Variants in LRBA observed in about 807,000 individuals in gnomAD.
LRBA encodes lipopolysaccharide-responsive and beige-like anchor protein.
LRBA carries 176 observed loss-of-function variants against 330.0 expected under a neutral mutation model. That is an observed-to-expected ratio of 0.53 (90% confidence interval 0.47 to 0.60). LRBA has a LOEUF of 0.60. LRBA is among the 20% of genes least tolerant of loss of function. The pLI is 0.00. For missense variants in LRBA, 3,259 were observed against 3,444.8 expected (o/e 0.95, Z 1.35); for synonymous variants, 1,230 against 1,193.0 (o/e 1.03, Z -0.64).
intron 17 of LRBA, among the ~76,000 whole-genome samples, chr4:150,882,888 CTAATGTT>C (rs1241625268): frequency 1.3e-5 from 2 of 152,122 alleles, no homozygotes; most frequent in Non-Finnish European, 2.9e-5. Context: ...AATATCAGAG[CTAATGTT>C]TAAATGATTT....
At chr4:150,449,337 T>C (rs1412865760) in intron 44 of LRBA, among the ~76,000 whole-genome samples, 1 of 151,970 alleles carries the variant, frequency 6.6e-6, no homozygotes, top group Non-Finnish European at 1.5e-5. Context: ...GGGAGAAGGA[T>C]AGGAAATTCT....
chr4:150,914,357 A>AG lies in LRBA; in HGVS notation c.1015-17_1015-16insC. The stretch of plus-strand genomic sequence containing the variant: ...TGTCAAAGGTCTGTAAAAGAAAAAA[A>AG]AAAAGGAATTAGGAAAAAACAAAAA... On this transcript the variant is annotated splice_polypyrimidine_tract_variant and intron_variant, in intron 8 of 56. Transcript: ENST00000651943. 1 of 1,480,928 alleles carries AG rather than the reference A, an allele frequency of 6.8e-7. No individual in the cohort carries two copies. 91.7% of individuals were successfully genotyped at this position (1,480,928 alleles called of 1,614,324 possible).
chr4:150,725,282 T>G (rs1729520414), intron 36 of LRBA, among the ~76,000 whole-genome samples: 1 of 151,980 alleles, frequency 6.6e-6, no homozygotes, highest in African/African-American at 2.4e-5. Flanking sequence ...GAAAGAAGAT[T>G]ACCTCTGGGC....
At position 150,618,848 on chromosome 4, in the gene LRBA, G is replaced by GTATATATA. The variant is rs34589903; in HGVS notation, c.5922-19725_5922-19718dup. On this transcript the variant is annotated intron_variant, in intron 37 of 56. Coordinates refer to ENST00000651943, the MANE Select transcript of LRBA (RefSeq NM_001364905.1). ...ACATATATTATGTATATGTGTGTAT[G>GTATATATA]TATATATATATATATATATATATAC... Among the ~76,000 whole-genome samples, 1,344 of 146,204 alleles carry GTATATATA rather than the reference G, an allele frequency of 9.2e-3. 19 individuals are homozygous for GTATATATA. Among genetic ancestry groups the GTATATATA allele is most frequent in the African/African-American group, 0.032 (1,276 of 39,536 alleles).
intron 2 of LRBA, among the ~76,000 whole-genome samples, chr4:151,006,239 A>C (rs1370177037): frequency 6.6e-6 from 1 of 152,146 alleles, no homozygotes; most frequent in Non-Finnish European, 1.5e-5. Context: ...AGGCAGGAGA[A>C]TCACTTGAAC....
At chr4:150,439,548 T>C (rs1751548976) in intron 44 of LRBA, among the ~76,000 whole-genome samples, 1 of 152,070 alleles carries the variant, frequency 6.6e-6, no homozygotes, top group Non-Finnish European at 1.5e-5. Context: ...AATGATACAC[T>C]ATCAGCTTAC....
intron 47 of LRBA, among the ~76,000 whole-genome samples, chr4:150,376,930 C>T (rs1158863080): frequency 1.3e-5 from 2 of 151,792 alleles, no homozygotes; most frequent in African/African-American, 4.8e-5. Flanking sequence ...AACCTGGGAC[C>T]CTCAAAGAAA....
At chr4:150,763,638 T>A (rs760955729) in intron 34 of LRBA, among the ~76,000 whole-genome samples, 1 of 151,744 alleles carries the variant, frequency 6.6e-6, no homozygotes, top group Non-Finnish European at 1.5e-5. Context: ...AGGAGAATGA[T>A]GACAAAAAGC....
chr4:150,908,300 A>G, intron 11 of LRBA, 34 bp downstream of exon 11: 2 of 1,595,434 alleles, frequency 1.3e-6, no homozygotes, highest in Non-Finnish European at 1.7e-6. Flanking sequence ...ATTAACCCTC[A>G]CAGCCAATTA....
At chr4:150,738,180 G>A (rs904281381) in intron 35 of LRBA, among the ~76,000 whole-genome samples, 22 of 151,602 alleles carry the variant, frequency 1.5e-4, no homozygotes, top group African/African-American at 4.8e-4. Context: ...TAGTAGAGAC[G>A]GGGTTTCACC....
rs185945511 is a variant in LRBA, at chr4:150,763,820, A to G, written c.5581-1973T>C. On this transcript the variant is annotated intron_variant, in intron 34 of 56. Transcript: ENST00000651943. Reference sequence around the variant, plus strand: ...TGGACCTCAGCTAGGAAGATTCAAAAAATTATCATGGAAGGAGGCAGAAGC... The same window carrying G: ...TGGACCTCAGCTAGGAAGATTCAAAGAATTATCATGGAAGGAGGCAGAAGC... 1.5e-4 allele frequency among the ~76,000 whole-genome samples: 23 copies of G among 152,110 alleles called. No individual in the cohort carries two copies. The East Asian group carries it at 2.9e-3, about 19-fold the overall frequency.
intron 37 of LRBA, among the ~76,000 whole-genome samples, chr4:150,605,148 T>C (rs570272867): frequency 6.6e-6 from 1 of 152,326 alleles, no homozygotes; most frequent in Non-Finnish European, 1.5e-5. Context: ...TCCAGAACAA[T>C]GTTAATTACT....
chr4:150,285,756 G>A (rs544973513), intron 54 of LRBA, among the ~76,000 whole-genome samples, 177 bp downstream of exon 54: 3 of 152,278 alleles, frequency 2.0e-5, no homozygotes, highest in East Asian at 1.9e-4. Flanking sequence ...CTAGTGCCAC[G>A]AAGAAACTTA....
chr4:150,414,271 C>T (rs1476584866), intron 47 of LRBA, among the ~76,000 whole-genome samples: 1 of 152,090 alleles, frequency 6.6e-6, no homozygotes, highest in African/African-American at 2.4e-5. Context: ...CACTCCCCTG[C>T]ATTGTTTCCA....
chr4:150,624,940 CAGAA>C (rs1246775298), intron 37 of LRBA, among the ~76,000 whole-genome samples: 1 of 152,148 alleles, frequency 6.6e-6, no homozygotes, highest in Non-Finnish European at 1.5e-5. Flanking sequence ...AAGTGATTTT[CAGAA>C]AGAAACACTC....
intron 37 of LRBA, among the ~76,000 whole-genome samples, chr4:150,654,186 G>A (rs1468663448): frequency 1.3e-5 from 2 of 152,044 alleles, no homozygotes; most frequent in Admixed American, 6.6e-5. Context: ...AAAGTCTGTT[G>A]TCATTGTTTT....
intron 47 of LRBA, among the ~76,000 whole-genome samples, chr4:150,404,092 G>A (rs77341331): frequency 0.072 from 11,010 of 152,120 alleles, 791 homozygotes; most frequent in East Asian, 0.23. Flanking sequence ...CTTACAAGGT[G>A]TAATTACTAT....
At chr4:150,402,046 T>C (rs941539298) in intron 47 of LRBA, among the ~76,000 whole-genome samples, 5 of 151,778 alleles carry the variant, frequency 3.3e-5, no homozygotes, top group African/African-American at 1.2e-4. Context: ...ATCCCAGCAC[T>C]TTCAGAGGCC....
intron 47 of LRBA, among the ~76,000 whole-genome samples, chr4:150,361,377 C>T (rs550496907): frequency 6.6e-6 from 1 of 151,846 alleles, no homozygotes; most frequent in South Asian, 2.1e-4. Context: ...TTTATGTTTC[C>T]TTACCTCCCT....
Sources: allele counts gnomAD v4.1 joint callset (sites outside exome capture counted in the v4.1 genomes callset), GRCh38; gene constraint gnomAD v4.1.1; transcripts MANE v1.5; gene names NCBI Gene and HGNC (gene_info 2026-07-23, HGNC 2026-07-21).